The following ATP10A variants were observed in gnomAD, a reference collection of about 807,000 sequenced individuals.
ATP10A encodes the protein ATPase phospholipid transporting 10A (putative).
A neutral mutation model predicts 147.8 loss-of-function variants in ATP10A; 111 were observed. The ratio of observed to expected loss-of-function variants is 0.75; its 90% CI spans 0.64 to 0.88. The LOEUF (loss-of-function observed/expected upper bound fraction) is 0.88, where lower values mean the gene tolerates loss of function less well. ATP10A is among the 40% of genes least tolerant of loss of function. The pLI, the probability that ATP10A is intolerant of heterozygous loss-of-function variation, is 0.00. For missense variants in ATP10A, 1,927 were observed against 1,959.0 expected, an observed-to-expected ratio of 0.98 and a Z score of 0.31; for synonymous variants, 875 against 841.6, an observed-to-expected ratio of 1.04 and a Z score of -0.69.
At chr15:25,699,503 C>A (rs1900544235) in intron 13 of ATP10A, among the ~76,000 whole-genome samples, 1 of 152,046 alleles carries the variant, frequency 6.6e-6, no homozygotes, top group South Asian at 2.1e-4. Context: ...GAATAAAACA[C>A]AGGAGAAAAT....
intron 1 of ATP10A, among the ~76,000 whole-genome samples, chr15:25,809,994 A>C (rs1277138250): frequency 6.8e-6 from 1 of 146,324 alleles, no homozygotes; most frequent in Non-Finnish European, 1.5e-5. Flanking sequence ...GAACCATCCA[A>C]ACGGGAAGAA....
At chr15:25,756,272 T>C (rs1231941927) in intron 2 of ATP10A, among the ~76,000 whole-genome samples, 1 of 152,230 alleles carries the variant, frequency 6.6e-6, no homozygotes, top group Non-Finnish European at 1.5e-5. Context: ...TCTGTTTGTC[T>C]ATATGTCTGT....
At chr15:25,820,841 A>T (rs1300892846) in intron 1 of ATP10A, among the ~76,000 whole-genome samples, 1 of 152,212 alleles carries the variant, frequency 6.6e-6, no homozygotes, top group Non-Finnish European at 1.5e-5. Context: ...ATGTAGGCAA[A>T]TATTTGCATA....
At chr15:25,741,873 C>G (rs538353819) in intron 2 of ATP10A, among the ~76,000 whole-genome samples, 31 of 151,458 alleles carry the variant, frequency 2.0e-4, no homozygotes, top group Non-Finnish European at 3.8e-4. Context: ...AAATAAATAC[C>G]CAAGTGAAAG....
At chr15:25,737,231 G>A (rs1389627540) in intron 2 of ATP10A, among the ~76,000 whole-genome samples, 2 of 152,228 alleles carry the variant, frequency 1.3e-5, no homozygotes, top group Non-Finnish European at 1.5e-5. Flanking sequence ...TTCCAGAGCA[G>A]GGCTCTGTTT....
intron 2 of ATP10A, among the ~76,000 whole-genome samples, chr15:25,759,667 G>T (rs1230983733): frequency 6.6e-6 from 1 of 151,936 alleles, no homozygotes; most frequent in South Asian, 2.1e-4. Context: ...AAAATTAGTC[G>T]AGCATGGTGG....
intron 2 of ATP10A, among the ~76,000 whole-genome samples, chr15:25,770,248 G>A (rs566944357): frequency 7.4e-4 from 112 of 152,240 alleles, no homozygotes; most frequent in Admixed American, 5.9e-3. Context: ...AGCCATTCCA[G>A]ACTTGACCAC....
At chr15:25,723,474 ACT>A (rs1902371459) in intron 6 of ATP10A, among the ~76,000 whole-genome samples, 1 of 151,770 alleles carries the variant, frequency 6.6e-6, no homozygotes, top group African/African-American at 2.4e-5. Context: ...ATGCATGGAA[ACT>A]CTCTGTAAAA....
Position 25,679,600 on chromosome 15 carries a change from TTGGACTCCTCAGGACACCCTCC to T in ATP10A, c.4219_4240del (p.Gly1407ArgfsTer2), listed in dbSNP as rs776643144. 3.1e-6 allele frequency: 5 copies of T among 1,611,242 alleles called. No homozygotes were observed. The highest frequency in any genetic ancestry group is 2.2e-5 in the South Asian group (2 of 91,018). On this transcript the variant is annotated frameshift_variant, in exon 21 of 21. Coordinates refer to ENST00000555815, the MANE Select transcript of ATP10A (RefSeq NM_024490.4). LOFTEE classifies it high-confidence loss of function. ...CCTGCCGGTGCTGGCAGCTCTCACC[TTGGACTCCTCAGGACACCCTCC>T]TGGACTCCTCAGGACAGCCTCCCCT...
chr15:25,716,631 C>T, intron 9 of ATP10A, 99 bp downstream of exon 9: 1 of 1,224,460 alleles, frequency 8.2e-7, no homozygotes, highest in Non-Finnish European at 1.1e-6. Context: ...AGAGCGCTTG[C>T]TGCAGGAAAG....
intron 1 of ATP10A, 165 bp downstream of exon 1, chr15:25,862,483 C>T: frequency 2.3e-6 from 2 of 866,038 alleles, no homozygotes; most frequent in Non-Finnish European, 3.5e-6. Flanking sequence ...CTTGGCGGCG[C>T]TGTGGCTTCG....
intron 1 of ATP10A, among the ~76,000 whole-genome samples, chr15:25,829,506 A>G (rs2140865427): frequency 6.6e-6 from 1 of 152,346 alleles, no homozygotes; most frequent in Middle Eastern, 3.4e-3. Context: ...GCCACACAGA[A>G]AACAAAGCTC....
rs554410582 is a variant in ATP10A at position 25,751,919 on chromosome 15, A to G, written c.655-15778T>C. Among the ~76,000 whole-genome samples, 11 of 152,310 alleles carry G rather than the reference A, an allele frequency of 7.2e-5. No homozygotes were observed. In the South Asian group the frequency reaches 2.3e-3, roughly 32 times the overall value. On this transcript the variant is annotated intron_variant, in intron 2 of 20. Coordinates refer to ENST00000555815, the MANE Select transcript of ATP10A (RefSeq NM_024490.4). ...CAAAAGACATATGAAAAAATGCTCA[A>G]CATCACTAGTCATTAGGAAAATGCA...
At chr15:25,806,545 C>G (rs1374776645) in intron 1 of ATP10A, among the ~76,000 whole-genome samples, 1 of 152,128 alleles carries the variant, frequency 6.6e-6, no homozygotes, top group East Asian at 1.9e-4. Context: ...ATCTCCTGAC[C>G]TCGTGATCCG....
At chr15:25,850,308 C>T (rs929835736) in intron 1 of ATP10A, among the ~76,000 whole-genome samples, 1 of 152,176 alleles carries the variant, frequency 6.6e-6, no homozygotes, top group Non-Finnish European at 1.5e-5. Context: ...TCTCACAATG[C>T]TCTCGGTTTT....
chr15:25,814,672 G>A lies in ATP10A; in HGVS notation c.450-33449C>T, dbSNP rs1429593056. 3.9e-5 allele frequency among the ~76,000 whole-genome samples: 6 copies of A among 152,332 alleles called. No individual in the cohort carries two copies. In the East Asian group the frequency reaches 1.2e-3, roughly 29 times the overall value. On this transcript the variant is annotated intron_variant, in intron 1 of 20. Coordinates refer to ENST00000555815, the MANE Select transcript of ATP10A (RefSeq NM_024490.4). ...CCTAAAGCTGGGAAGCTGGGCAGGT[G>A]GGAGTCAGCTACTTCTAAAGACAAG...
Position 25,783,013 on chromosome 15 carries a change from A to C in ATP10A, c.450-1790T>G, listed in dbSNP as rs555627191. ...AGTGAGACCCCCATCTCTAAAAAAAAATTAAAAAAAAAATTAGTTGGGCAT... is the reference window on the plus strand; with the variant it reads ...AGTGAGACCCCCATCTCTAAAAAAACATTAAAAAAAAAATTAGTTGGGCAT... On this transcript the variant is annotated intron_variant, in intron 1 of 20. Transcript: ENST00000555815. Among the ~76,000 whole-genome samples, 3 of 151,906 alleles carry C rather than the reference A, an allele frequency of 2.0e-5. No homozygotes were observed. The East Asian group carries it at 5.8e-4, about 29-fold the overall frequency.
intron 1 of ATP10A, among the ~76,000 whole-genome samples, chr15:25,811,018 G>A (rs1891405901): frequency 6.6e-6 from 1 of 152,202 alleles, no homozygotes. Flanking sequence ...CATGTTACAT[G>A]GCGGGGTCTC....
chr15:25,826,961 A>G (rs1300581004), intron 1 of ATP10A, among the ~76,000 whole-genome samples: 1 of 152,218 alleles, frequency 6.6e-6, no homozygotes, highest in Non-Finnish European at 1.5e-5. Context: ...AAACTGTCAA[A>G]AGCCCAAAAC....
Sources: allele counts gnomAD v4.1 joint callset (sites outside exome capture counted in the v4.1 genomes callset), GRCh38; gene constraint gnomAD v4.1.1; transcripts MANE v1.5; gene names NCBI Gene and HGNC (gene_info 2026-07-23, HGNC 2026-07-21).